The following CAPN15 variants were observed in gnomAD, a reference collection of about 807,000 sequenced individuals.
CAPN15 encodes the protein calpain 15.
A neutral mutation model predicts 97.9 loss-of-function variants in CAPN15; 53 were observed. The ratio of observed to expected loss-of-function variants is 0.54; its 90% CI spans 0.43 to 0.68. The LOEUF is 0.68. CAPN15 is among the 30% of genes least tolerant of loss of function. CAPN15 has a pLI of 0.00. For missense variants in CAPN15, 1,592 were observed against 1,589.8 expected (o/e 1.00, Z -0.02); for synonymous variants, 922 against 722.5 (o/e 1.28, Z -4.43).
chr16:531,347 G>A (rs1041990534), intron 1 of CAPN15, among the ~76,000 whole-genome samples: 3 of 152,126 alleles, frequency 2.0e-5, no homozygotes, highest in African/African-American at 7.2e-5. Flanking sequence ...ACAGGTGGGC[G>A]CCACCACACC....
At position 552,602 on chromosome 16, in the gene CAPN15, T is replaced by C. The variant is rs1217799304; in HGVS notation, c.2738-3T>C. 7.1e-6 allele frequency: 11 copies of C among 1,541,744 alleles called. No individual in the cohort carries two copies. Among genetic ancestry groups the C allele is most frequent in the African/African-American group, 1.4e-5 (1 of 73,282 alleles). On this transcript the variant is annotated splice_polypyrimidine_tract_variant and splice_region_variant and intron_variant, in intron 11 of 13. Coordinates refer to ENST00000219611, the MANE Select transcript of CAPN15 (RefSeq NM_005632.3). The surrounding 1 kb of genome is among the most constrained non-coding windows in gnomAD (Gnocchi z 6.4). Reference sequence around the variant, plus strand: ...GCTGCGGTTCACACGCCCGTCCTTGTAGCCTCCAGCCCCTCGGCAGGGGTC... The same window carrying C: ...GCTGCGGTTCACACGCCCGTCCTTGCAGCCTCCAGCCCCTCGGCAGGGGTC...
In CAPN15 at chr16:547,508, C is replaced by A; in HGVS notation, c.670C>A (p.Pro224Thr). The change falls in exon 4 of 14, where the codon CCA (proline) becomes ACA (threonine). Residue 224 changes from proline to threonine, a missense_variant. Physicochemically the swap from Pro to Thr is conservative, Grantham distance 38. Around this residue, in one of 3 missense-constraint regions of CAPN15, gnomAD observed 883 missense variants for 776.6 expected, o/e 1.14. Transcript: ENST00000219611. Reference protein sequence around the residue: ...PATSQGPAAEPEPPRVPPFSP... With the variant: ...PATSQGPAAETEPPRVPPFSP... ...CACCAGCCAGGGCCCAGCTGCCGAA[C>A]CAGAGCCGCCCAGGGTCCCGCCCTT... The A allele has an allele frequency of 7.5e-6, 12 of 1,598,256 alleles. No homozygotes were observed. Among genetic ancestry groups the A allele is most frequent in the Non-Finnish European group, 1.0e-5 (12 of 1,179,178 alleles).
intron 1 of CAPN15, 65 bp from the exon 2 acceptor site, chr16:533,881 G>A: frequency 1.2e-6 from 1 of 829,590 alleles, no homozygotes; most frequent in Non-Finnish European, 1.5e-6. Flanking sequence ...GCGGGGCTCT[G>A]TGTTCCAGGG....
intron 3 of CAPN15, among the ~76,000 whole-genome samples, chr16:542,942 T>C (rs531888811): frequency 3.9e-5 from 6 of 152,126 alleles, no homozygotes; most frequent in African/African-American, 1.4e-4. Flanking sequence ...TCCTAGCTAC[T>C]AGGGAGGCTG....
intron 7 of CAPN15, 95 bp downstream of exon 7, chr16:549,933 T>G: frequency 1.1e-5 from 12 of 1,061,072 alleles, no homozygotes; most frequent in Non-Finnish European, 1.5e-5. Flanking sequence ...GACCCAGTTC[T>G]GCTTCCACGA....
In CAPN15 at chr16:546,877, C is replaced by G. The variant is rs776705539; in HGVS notation, c.39C>G (p.Thr13=). ...TVGEWSCVRC[T]FLNPAGQRQC... ...GAGAGTGGTCCTGTGTGCGCTGCAC[C>G]TTCCTGAACCCGGCCGGCCAGCGCC... The change falls in exon 4 of 14, where the codon ACC becomes ACG. Residue 13 remains threonine, a synonymous_variant. Coordinates refer to ENST00000219611, the MANE Select transcript of CAPN15 (RefSeq NM_005632.3). 1 of 1,611,526 alleles carries G rather than the reference C, an allele frequency of 6.2e-7. No homozygotes were observed. Among genetic ancestry groups the G allele is most frequent in the South Asian group, 1.1e-5 (1 of 90,992 alleles).
intron 9 of CAPN15, 170 bp from the exon 10 acceptor site, chr16:551,881 G>A (rs563632905): frequency 6.1e-6 from 6 of 977,690 alleles, no homozygotes; most frequent in African/African-American, 3.2e-5. Context: ...GCCCTGGAGG[G>A]CTTCCTATTA....
rs1195688266 is a variant in CAPN15, at chr16:552,079, G to A, written c.2374G>A (p.Val792Met). The A allele has an allele frequency of 6.5e-7, 1 of 1,549,196 alleles. No homozygotes were observed. The part of the protein sequence containing the change: ...RYFDSVDICK[V>M]HSDWQEARVQ... ...CTTCGACTCCGTGGACATCTGTAAG[G>A]TGCACTCGGACTGGCAGGAGGCGCG... Residue 792 changes from valine to methionine, a missense_variant, in exon 10 of 14, where the codon GTG becomes ATG. Physicochemically the swap from Val to Met is conservative, Grantham distance 21 (BLOSUM62 1). Coordinates refer to ENST00000219611, the MANE Select transcript of CAPN15 (RefSeq NM_005632.3). The surrounding 1 kb of genome is among the most constrained non-coding windows in gnomAD (Gnocchi z 6.4).
chr16:545,883 C>T (rs1276825467), intron 3 of CAPN15, among the ~76,000 whole-genome samples: 4 of 152,336 alleles, frequency 2.6e-5, no homozygotes, highest in Middle Eastern at 3.4e-3. Context: ...GCAGCCAGGC[C>T]GAGGAACGTG....
At chr16:546,335 T>C (rs2034582977) in intron 3 of CAPN15, among the ~76,000 whole-genome samples, 1 of 152,266 alleles carries the variant, frequency 6.6e-6, no homozygotes, top group South Asian at 2.1e-4. Context: ...GCAGCCAGTC[T>C]GTCTCGGAGG....
chr16:544,505 G>A (rs750603264), intron 3 of CAPN15, among the ~76,000 whole-genome samples: 3 of 152,114 alleles, frequency 2.0e-5, no homozygotes, highest in Non-Finnish European at 2.9e-5. Context: ...CTGCTGTCCC[G>A]GCTGCTTCAG....
chr16:550,487 T>G (rs1596356054), intron 7 of CAPN15, among the ~76,000 whole-genome samples: 1 of 152,158 alleles, frequency 6.6e-6, no homozygotes, highest in Admixed American at 6.5e-5. Flanking sequence ...TGGGCCCTTC[T>G]CTGCTGCGCC....
intron 13 of CAPN15, 38 bp from the exon 14 acceptor site, chr16:553,301 C>G: frequency 2.0e-6 from 3 of 1,525,776 alleles, no homozygotes; most frequent in Non-Finnish European, 1.8e-6. Context: ...CCATCCCCAC[C>G]CTGCCCTCCA....
At chr16:544,819 A>C (rs1217485954) in intron 3 of CAPN15, among the ~76,000 whole-genome samples, 12 of 7,798 alleles carry the variant, frequency 1.5e-3, no homozygotes, top group Non-Finnish European at 2.2e-3. Flanking sequence ...CGCCTCCCCC[A>C]CGTCGCCTCC....
intron 1 of CAPN15, among the ~76,000 whole-genome samples, chr16:531,404 C>A (rs979631610): frequency 6.6e-6 from 1 of 152,134 alleles, no homozygotes; most frequent in Non-Finnish European, 1.5e-5. Context: ...GGTTGAACCT[C>A]TTACACCTTC....
rs1202660678 is a variant in CAPN15, at chr16:547,995, CCGA to C, written c.1159_1161del (p.Asp387del). On this transcript the variant is annotated inframe_deletion, in exon 4 of 14. Coordinates refer to ENST00000219611, the MANE Select transcript of CAPN15 (RefSeq NM_005632.3). ...CCCACCCACTGCCCCGACTGTGGGG[CCGA>C]CAAGCCCAGCCCCTGCGGCAGAAGC... 3 of 1,580,310 alleles carry C rather than the reference CCGA, an allele frequency of 1.9e-6. No homozygotes were observed. The highest frequency in any genetic ancestry group is 4.7e-5 in the East Asian group (2 of 42,490).
intron 1 of CAPN15, chr16:528,797 C>T: frequency 2.0e-6 from 2 of 979,382 alleles, no homozygotes; most frequent in South Asian, 4.7e-5. Flanking sequence ...GTGGGGAAGA[C>T]TGGGACTCCG....
chr16:539,835 C>G (rs2033990911), intron 3 of CAPN15: 1 of 152,316 alleles, frequency 6.6e-6, no homozygotes, highest in Admixed American at 6.5e-5. Flanking sequence ...CTTTTCTCAC[C>G]AAGGAATAAA....
In CAPN15 at chr16:551,366, C is replaced by T. The variant is rs766983492; in HGVS notation, c.2131C>T (p.Leu711=). Reference sequence around the variant, plus strand: ...GGTGGACGATTCGGCCTACGAGAGCCTGGGCCTGCGCCCCCGGCATGCCTA... The same window carrying T: ...GGTGGACGATTCGGCCTACGAGAGCTTGGGCCTGCGCCCCCGGCATGCCTA... ...MKVDDSAYES[L]GLRPRHAYSI... is the part of the protein sequence containing the mutation. The change falls in exon 8 of 14, where the codon CTG becomes TTG. Residue 711 remains leucine (L), a synonymous_variant. Coordinates refer to ENST00000219611, the MANE Select transcript of CAPN15 (RefSeq NM_005632.3). 9 of 1,610,182 alleles carry T rather than the reference C, an allele frequency of 5.6e-6. No homozygotes were observed. Among genetic ancestry groups the T allele is most frequent in the African/African-American group, 2.7e-5 (2 of 74,904 alleles).
Sources: gnomAD v4.1 joint callset for allele counts (sites outside exome capture counted in the v4.1 genomes callset) on GRCh38, gnomAD v4.1.1 for gene constraint, gnomAD v4.1.1 regional missense constraint, Gnocchi (gnomAD v3.1) non-coding constraint, MANE v1.5 for transcripts, NCBI Gene and HGNC (gene_info 2026-07-23, HGNC 2026-07-21) for gene names.